Variants in TMC2 observed in about 807,000 individuals in gnomAD.
TMC2 encodes the protein transmembrane channel like 2.
A neutral mutation model predicts 105.9 loss-of-function variants in TMC2; 102 were observed. That is an observed-to-expected ratio of 0.96 (90% confidence interval 0.82 to 1.14). The LOEUF (loss-of-function observed/expected upper bound fraction) is 1.14, where lower values mean the gene tolerates loss of function less well. TMC2 is among the 50% of genes most tolerant of loss of function. TMC2 has a pLI of 0.00. For missense variants in TMC2, 1,093 were observed against 1,134.3 expected (o/e 0.96, Z 0.52); for synonymous variants, 402 against 422.8 (o/e 0.95, Z 0.60).
At chr20:2,610,960 G>A (rs922941159) in intron 12 of TMC2, among the ~76,000 whole-genome samples, 3 of 152,170 alleles carry the variant, frequency 2.0e-5, no homozygotes, top group Non-Finnish European at 4.4e-5. Flanking sequence ...GTTTATCAAT[G>A]CTCACCACAC....
chr20:2,538,415 G>A (rs1158816005), intron 2 of TMC2, among the ~76,000 whole-genome samples: 1 of 152,154 alleles, frequency 6.6e-6, no homozygotes, highest in Admixed American at 6.5e-5. Flanking sequence ...ATGTGAGAAA[G>A]TTCTATGCCC....
At chr20:2,597,040 C>T in intron 9 of TMC2, 111 bp from the exon 10 acceptor site, 1 of 1,209,582 alleles carries the variant, frequency 8.3e-7, no homozygotes, top group South Asian at 1.5e-5. Context: ...CACTGAATGT[C>T]AGCTACCTGT....
At position 2,632,552 on chromosome 20, in the gene TMC2, T is replaced by G. The variant is rs186512011; in HGVS notation, c.2307-3374T>G. 2.1e-3 allele frequency among the ~76,000 whole-genome samples: 321 copies of G among 152,174 alleles called. 2 individuals are homozygous for G. The highest frequency in any genetic ancestry group is 0.017 in the Middle Eastern group (5 of 294). On this transcript the variant is annotated intron_variant, in intron 17 of 19. Coordinates refer to ENST00000358864, the MANE Select transcript of TMC2 (RefSeq NM_080751.3). ...CCCCTGTGTATGGGCCAGGCTTTCT[T>G]TTTTCTTTGTATGTCTTACTAGATT...
chr20:2,589,318 G>GTGTGTGTGTGTGTGTGTGTGTA, intron 7 of TMC2, among the ~76,000 whole-genome samples: 1 of 150,566 alleles, frequency 6.6e-6, no homozygotes, highest in East Asian at 2.0e-4. Flanking sequence ...GTGTGTGTGT[G>GTGTGTGTGTGTGTGTGTGTGTA]TGTGTGGAGA....
At chr20:2,621,471 T>C (rs2086524719) in intron 16 of TMC2, among the ~76,000 whole-genome samples, 1 of 151,574 alleles carries the variant, frequency 6.6e-6, no homozygotes, top group Admixed American at 6.6e-5. Flanking sequence ...GATTCTGTGC[T>C]GTTGGTTTTG....
At chr20:2,567,362 G>C (rs1429651924) in intron 4 of TMC2, among the ~76,000 whole-genome samples, 1 of 152,190 alleles carries the variant, frequency 6.6e-6, no homozygotes, top group African/African-American at 2.4e-5. Flanking sequence ...AGCAATGTCA[G>C]AGGAGGCCTG....
chr20:2,582,379 C>T (rs6037018), intron 7 of TMC2, among the ~76,000 whole-genome samples: 10,341 of 152,158 alleles, frequency 0.068, 1,149 homozygotes, highest in African/African-American at 0.23. Context: ...GATATCCCCA[C>T]GACCCATGGA....
At chr20:2,576,599 G>GCAT (rs2086146442) in intron 5 of TMC2, among the ~76,000 whole-genome samples, 1 of 152,184 alleles carries the variant, frequency 6.6e-6, no homozygotes, top group Non-Finnish European at 1.5e-5. Context: ...GGGAGGACTC[G>GCAT]CATTAATAAA....
rs1159103425 is a variant in TMC2, at chr20:2,641,766, T to C, written c.*415T>C. 4 of 183,686 alleles carry C rather than the reference T, an allele frequency of 2.2e-5. No individual in the cohort carries two copies. The highest frequency in any genetic ancestry group is 1.2e-4 in the South Asian group (1 of 8,168). 11.4% of individuals were successfully genotyped at this position (183,686 alleles called of 1,614,324 possible). On this transcript the variant is annotated 3_prime_UTR_variant, in exon 20 of 20. Coordinates refer to ENST00000358864, the MANE Select transcript of TMC2 (RefSeq NM_080751.3). ...GGAGGGGGATGGAGAAGGGCCTACA[T>C]TTCTCAATCCAGAGGAAGTGAGCTG...
At chr20:2,610,231 G>A (rs1191626887) in intron 11 of TMC2, among the ~76,000 whole-genome samples, 188 bp from the exon 12 acceptor site, 1 of 152,192 alleles carries the variant, frequency 6.6e-6, no homozygotes, top group Non-Finnish European at 1.5e-5. Context: ...GCAAGCACAG[G>A]CCAAGTGCTC....
intron 11 of TMC2, among the ~76,000 whole-genome samples, chr20:2,606,524 T>C (rs2086393086): frequency 6.6e-6 from 1 of 152,210 alleles, no homozygotes; most frequent in Admixed American, 6.5e-5. Flanking sequence ...CCTCCCAAAG[T>C]GCTGGGATTA....
intron 4 of TMC2, among the ~76,000 whole-genome samples, chr20:2,569,134 G>A (rs2086085146): frequency 6.6e-6 from 1 of 152,160 alleles, no homozygotes; most frequent in South Asian, 2.1e-4. Context: ...AGGAGCCCTG[G>A]TCATAGTATT....
intron 2 of TMC2, among the ~76,000 whole-genome samples, chr20:2,551,621 A>T (rs558789123): frequency 6.6e-6 from 1 of 152,074 alleles, no homozygotes; most frequent in African/African-American, 2.4e-5. Flanking sequence ...TTACAGTTTT[A>T]TAGCTTTGTG....
intron 2 of TMC2, among the ~76,000 whole-genome samples, chr20:2,543,782 C>G (rs1568500130): frequency 1.3e-5 from 2 of 152,136 alleles, no homozygotes; most frequent in African/African-American, 2.4e-5. Context: ...GAAGGAAAAG[C>G]CATCAGTATG....
At chr20:2,599,904 T>G (rs997962965) in intron 10 of TMC2, among the ~76,000 whole-genome samples, 2 of 152,232 alleles carry the variant, frequency 1.3e-5, no homozygotes, top group Non-Finnish European at 2.9e-5. Flanking sequence ...CACTGACTGA[T>G]GCCTGCAGAT....
At chr20:2,590,930 T>A (rs1227941309) in intron 7 of TMC2, among the ~76,000 whole-genome samples, 16 of 152,130 alleles carry the variant, frequency 1.1e-4, no homozygotes. Flanking sequence ...AGTAATACAT[T>A]TAATAAATCA....
At chr20:2,571,733 G>A (rs1408616447) in intron 4 of TMC2, among the ~76,000 whole-genome samples, 1 of 152,194 alleles carries the variant, frequency 6.6e-6, no homozygotes, top group Non-Finnish European at 1.5e-5. Context: ...GGGCATGGTG[G>A]TTCACACCTG....
rs1340821687 is a variant in TMC2 at position 2,637,568 on chromosome 20, C to A, written c.2480C>A (p.Thr827Asn). The A allele has an allele frequency of 1.2e-6, 2 of 1,613,630 alleles. No individual in the cohort carries two copies. The highest frequency in any genetic ancestry group is 1.7e-6 in the Non-Finnish European group (2 of 1,179,636). The part of the protein sequence containing the change: ...DTPKSSSKNA[T>N]QLQLTKEETT... ...CCTAAAAGCAGCTCCAAAAATGCCA[C>A]CCAGCTCCAACTCACCAAGGAAGGT... The change falls in exon 19 of 20, where the codon ACC (threonine) becomes AAC (asparagine). Residue 827 changes from threonine to asparagine, a missense_variant. Transcript: ENST00000358864.
Position 2,558,679 on chromosome 20 carries a change from C to T in TMC2, c.306C>T (p.Asp102=), listed in dbSNP as rs1399307908. The T allele has an allele frequency of 1.9e-6, 3 of 1,599,216 alleles. No homozygotes were observed. Among genetic ancestry groups the T allele is most frequent in the African/African-American group, 1.3e-5 (1 of 74,646 alleles). ...CCTGCGAGGGCAGGAGAAAGCGCGA[C>T]GAGAGGGCCTCCTTCCAGGAGCGGA... The part of the protein sequence containing the change: ...ERTCEGRRKR[D]ERASFQERTA... The change falls in exon 3 of 20, where the codon GAC becomes GAT. Residue 102 remains aspartate, a synonymous_variant. Coordinates refer to ENST00000358864, the MANE Select transcript of TMC2 (RefSeq NM_080751.3). The surrounding 1 kb of genome is among the most constrained non-coding windows in gnomAD (Gnocchi z 4.6).
Sources: gnomAD v4.1 joint callset for allele counts (sites outside exome capture counted in the v4.1 genomes callset) on GRCh38, gnomAD v4.1.1 for gene constraint, Gnocchi (gnomAD v3.1) non-coding constraint, MANE v1.5 for transcripts, NCBI Gene and HGNC (gene_info 2026-07-23, HGNC 2026-07-21) for gene names.